The following ALKBH8 variants were observed in gnomAD, a reference collection of about 807,000 sequenced individuals.
The protein encoded by ALKBH8 is alkB homolog 8, tRNA methyltransferase.
Under a neutral mutation model 59.8 loss-of-function variants are expected in ALKBH8, and 36 were observed. That is an observed-to-expected ratio of 0.60 (90% CI 0.46 to 0.79). The LOEUF is 0.79. ALKBH8 is among the 30% of genes least tolerant of loss of function. The pLI is 0.00. For missense variants in ALKBH8, 768 were observed against 801.0 expected, an observed-to-expected ratio of 0.96 and a Z score of 0.50; for synonymous variants, 276 against 273.6, an observed-to-expected ratio of 1.01 and a Z score of -0.09.
intron 11 of ALKBH8, among the ~76,000 whole-genome samples, chr11:107,510,453 A>C (rs1862574677): frequency 6.6e-6 from 1 of 152,190 alleles, no homozygotes; most frequent in South Asian, 2.1e-4. Flanking sequence ...AGTAACACTC[A>C]CATGTCAGGG....
chr11:107,565,366 G>C, intron 1 of ALKBH8: 1 of 593,638 alleles, frequency 1.7e-6, no homozygotes, highest in South Asian at 2.0e-5. Context: ...GATTGACACA[G>C]GCACCACGTG....
rs572126669 is a variant in ALKBH8, at chr11:107,503,421, T to C, written c.*1237A>G. 1 of 152,308 alleles carries C rather than the reference T, an allele frequency of 6.6e-6. No homozygotes were observed. The highest frequency in any genetic ancestry group is 1.9e-4 in the East Asian group (1 of 5,190). The allele number at this position is 152,308 out of a possible 1,614,324, so 9.4% of individuals were successfully genotyped here. ...ACATTAATTAAACAGAAAGCAATTT[T>C]TCTTTAAAACAGTCTTAAGCATTAC... On this transcript the variant is annotated 3_prime_UTR_variant, in exon 12 of 12. Coordinates refer to ENST00000428149, the MANE Select transcript of ALKBH8 (RefSeq NM_138775.3).
intron 3 of ALKBH8, 63 bp downstream of exon 3, chr11:107,556,703 T>TAAGTCTA: frequency 8.3e-6 from 10 of 1,198,616 alleles, no homozygotes; most frequent in Non-Finnish European, 1.1e-5. Context: ...CCTCCCAACT[T>TAAGTCTA]AAGTCTATGA....
intron 3 of ALKBH8, among the ~76,000 whole-genome samples, chr11:107,554,428 G>C (rs1864623368): frequency 2.0e-5 from 3 of 152,056 alleles, no homozygotes; most frequent in African/African-American, 4.8e-5. Flanking sequence ...ACTTTCTAAA[G>C]AAATACAAAA....
At chr11:107,554,030 T>G (rs771134083) in intron 3 of ALKBH8, 52 bp from the exon 4 acceptor site, 1 of 1,596,514 alleles carries the variant, frequency 6.3e-7, no homozygotes, top group Non-Finnish European at 8.5e-7. Flanking sequence ...AGTTCCTATA[T>G]ACAAATAATT....
intron 10 of ALKBH8, among the ~76,000 whole-genome samples, chr11:107,519,806 G>A (rs902155581): frequency 1.3e-5 from 2 of 151,980 alleles, no homozygotes; most frequent in African/African-American, 4.8e-5. Context: ...TTTGAATTCT[G>A]GTTTCAGCAA....
chr11:107,551,480 G>A (rs149084927), intron 6 of ALKBH8, among the ~76,000 whole-genome samples: 3,478 of 152,020 alleles, frequency 0.023, 150 homozygotes, highest in African/African-American at 0.08. Context: ...GATCACCTGA[G>A]GTCAGGAGTT....
At chr11:107,560,461 C>T (rs2135594136) in intron 2 of ALKBH8, among the ~76,000 whole-genome samples, 1 of 152,052 alleles carries the variant, frequency 6.6e-6, no homozygotes, top group South Asian at 2.1e-4. Context: ...CTCATAAGGA[C>T]TTCTAGGGAA....
At chr11:107,549,993 C>T (rs1864424168) in intron 6 of ALKBH8, among the ~76,000 whole-genome samples, 170 bp from the exon 7 acceptor site, 2 of 152,106 alleles carry the variant, frequency 1.3e-5, no homozygotes, top group African/African-American at 4.8e-5. Context: ...CTAAAACATA[C>T]TAAAATAAAC....
chr11:107,547,002 AT>A (rs1864287096), intron 7 of ALKBH8, among the ~76,000 whole-genome samples: 1 of 152,142 alleles, frequency 6.6e-6, no homozygotes, highest in Non-Finnish European at 1.5e-5. Context: ...GATCTTAGAA[AT>A]TTCCTGGGAA....
chr11:107,544,414 G>C (rs1465539800), intron 7 of ALKBH8, among the ~76,000 whole-genome samples: 3 of 152,166 alleles, frequency 2.0e-5, no homozygotes, highest in African/African-American at 4.8e-5. Flanking sequence ...TCAGCATTGA[G>C]TCTTATTTGA....
At chr11:107,521,662 A>G (rs960270573) in intron 10 of ALKBH8, among the ~76,000 whole-genome samples, 4 of 152,186 alleles carry the variant, frequency 2.6e-5, no homozygotes, top group African/African-American at 9.6e-5. Flanking sequence ...CAGAAAAAAA[A>G]TGGCTCATAG....
At chr11:107,529,451 C>T (rs1863486294) in intron 8 of ALKBH8, among the ~76,000 whole-genome samples, 1 of 151,906 alleles carries the variant, frequency 6.6e-6, no homozygotes, top group African/African-American at 2.4e-5. Context: ...AAGCAGAGTG[C>T]TCTGTGCCAT....
intron 8 of ALKBH8, among the ~76,000 whole-genome samples, chr11:107,525,977 T>C (rs370390286): frequency 6.6e-6 from 1 of 152,072 alleles, no homozygotes; most frequent in Non-Finnish European, 1.5e-5. Context: ...CAAAGATTAC[T>C]GGACTGGATT....
At chr11:107,533,588 AT>A (rs1344436677) in intron 7 of ALKBH8, among the ~76,000 whole-genome samples, 1 of 152,202 alleles carries the variant, frequency 6.6e-6, no homozygotes, top group Non-Finnish European at 1.5e-5. Context: ...ATATAATTTC[AT>A]ATAGTCATAC....
chr11:107,547,878 T>C (rs534883253), intron 7 of ALKBH8, among the ~76,000 whole-genome samples: 2 of 152,234 alleles, frequency 1.3e-5, no homozygotes, highest in African/African-American at 4.8e-5. Context: ...ATAGAGATAA[T>C]GAATGCAGCA....
chr11:107,522,232 G>A (rs1863142450), intron 10 of ALKBH8, 67 bp downstream of exon 10: 8 of 1,500,492 alleles, frequency 5.3e-6, no homozygotes, highest in Non-Finnish European at 7.2e-6. Flanking sequence ...ATTATATCAT[G>A]AGGAAGAAAG....
At chr11:107,552,035 A>G in intron 5 of ALKBH8, 123 bp from the exon 6 acceptor site, 1 of 409,868 alleles carries the variant, frequency 2.4e-6, no homozygotes, top group Non-Finnish European at 4.2e-6. Flanking sequence ...AGGTCCATTA[A>G]TAAACCCACA....
rs1864564744 is a variant in ALKBH8, at chr11:107,553,139, G to A, written c.564C>T (p.Asn188=). The change falls in exon 5 of 12, where the codon AAC becomes AAT. Residue 188 remains asparagine, a synonymous_variant. Transcript: ENST00000428149. ...ATAATGGCTTATCTTTATCTACATT[G>A]TTGTTCTCATAGTGGAACTCATAAC... ...HFGYEFHYEN[N]NVDKDKPLSG... 1.9e-6 allele frequency: 3 copies of A among 1,607,314 alleles called. No individual in the cohort carries two copies. The highest frequency in any genetic ancestry group is 2.5e-6 in the Non-Finnish European group (3 of 1,177,070).
Sources: gnomAD v4.1 joint callset for allele counts (sites outside exome capture counted in the v4.1 genomes callset) on GRCh38, gnomAD v4.1.1 for gene constraint, MANE v1.5 for transcripts, NCBI Gene and HGNC (gene_info 2026-07-23, HGNC 2026-07-21) for gene names.